The following EYS variants were observed in gnomAD, a reference collection of about 807,000 sequenced individuals.
EYS encodes protein eyes shut homolog.
In EYS, 250 loss-of-function variants were observed where a neutral mutation model predicts 282.1. That is an observed-to-expected ratio of 0.89 (90% CI 0.80 to 0.98). EYS has a LOEUF of 0.98. Among genes scored for constraint, EYS ranks in the 50% least tolerant of loss-of-function variants. The pLI, the probability that EYS is intolerant of heterozygous loss-of-function variation, is 0.00. For synonymous variants in EYS, 1,355 were observed against 1,282.9 expected, an observed-to-expected ratio of 1.06 and a Z score of -1.20; for missense variants, 4,016 against 3,709.0, an observed-to-expected ratio of 1.08 and a Z score of -2.15.
At chr6:65,404,620 T>C (rs1024383232) in intron 6 of EYS, among the ~76,000 whole-genome samples, 13 of 151,956 alleles carry the variant, frequency 8.6e-5, no homozygotes, top group Admixed American at 2.6e-4. Flanking sequence ...TATAAACTTT[T>C]ATCTGTATAT....
intron 14 of EYS, among the ~76,000 whole-genome samples, chr6:64,995,754 AACAGGAGTC>A (rs1771238511): frequency 7.1e-6 from 1 of 140,948 alleles, no homozygotes; most frequent in South Asian, 2.3e-4. Flanking sequence ...AATTTCTGGA[AACAGGAGTC>A]AAGATTTTAA....
rs147086294 is a variant in EYS at position 64,429,005 on chromosome 6, C to G, written c.5927+7169G>C. ...ATTCTCAAAACTCTTGAGGTCCAGA[C>G]GACTTATAGACTGACATCAGCTACA... On this transcript the variant is annotated intron_variant, in intron 28 of 42. Coordinates refer to ENST00000503581, the MANE Select transcript of EYS (RefSeq NM_001142800.2). 2.4e-3 allele frequency among the ~76,000 whole-genome samples: 363 copies of G among 152,048 alleles called. 2 individuals are homozygous for G. The highest frequency in any genetic ancestry group is 8.4e-3 in the African/African-American group (348 of 41,488).
intron 14 of EYS, among the ~76,000 whole-genome samples, chr6:64,966,007 C>A (rs1401331890): frequency 6.6e-6 from 1 of 151,338 alleles, no homozygotes; most frequent in Non-Finnish European, 1.5e-5. Context: ...GAAGTCTATT[C>A]AAAATGCTTG....
chr6:65,204,002 C>A (rs571138332), intron 12 of EYS, among the ~76,000 whole-genome samples: 1 of 151,594 alleles, frequency 6.6e-6, no homozygotes, highest in South Asian at 2.1e-4. Flanking sequence ...TCAATATGGT[C>A]AGAAAAAAAC....
At chr6:65,358,246 A>G (rs535311494) in intron 8 of EYS, among the ~76,000 whole-genome samples, 13 of 152,118 alleles carry the variant, frequency 8.5e-5, no homozygotes, top group African/African-American at 2.9e-4. Flanking sequence ...GGTGACAAAT[A>G]TTTAACAGAA....
intron 22 of EYS, among the ~76,000 whole-genome samples, chr6:64,686,825 A>ATATATATATACGTG (rs1770142029): frequency 5.7e-5 from 1 of 17,676 alleles, no homozygotes; most frequent in Non-Finnish European, 2.6e-4. Context: ...ATATATGTGT[A>ATATATATATACGTG]TATATATATA....
At chr6:65,251,897 TTC>T (rs1767334893) in intron 12 of EYS, among the ~76,000 whole-genome samples, 1 of 151,934 alleles carries the variant, frequency 6.6e-6, no homozygotes, top group African/African-American at 2.4e-5. Context: ...GTTTTTGTTT[TTC>T]TCTCTTTTTC....
chr6:65,556,152 A>G (rs574095843), intron 2 of EYS, among the ~76,000 whole-genome samples: 106 of 152,208 alleles, frequency 7.0e-4, no homozygotes, highest in Non-Finnish European at 1.4e-3. Context: ...GGTCATTTTC[A>G]CATTATTGGT....
chr6:64,378,486 T>C (rs1230056991), intron 29 of EYS, among the ~76,000 whole-genome samples: 1 of 152,170 alleles, frequency 6.6e-6, no homozygotes, highest in Non-Finnish European at 1.5e-5. Context: ...GAATGGAGTA[T>C]ATAGGACTAG....
Position 65,700,218 on chromosome 6 carries a change from C to T in EYS, c.-448+6917G>A, listed in dbSNP as rs1474210663. 4.0e-5 allele frequency among the ~76,000 whole-genome samples: 6 copies of T among 151,150 alleles called. No individual in the cohort carries two copies. In the East Asian group the frequency reaches 9.8e-4, roughly 25 times the overall value. On this transcript the variant is annotated intron_variant, in intron 1 of 42. Coordinates refer to ENST00000503581, the MANE Select transcript of EYS (RefSeq NM_001142800.2). ...GACTTTTGGAGAGATCATAGCTGCT[C>T]ACAAGACTGGACCCTGGGAGACCAA...
At chr6:64,699,284 G>A (rs1242918712) in intron 22 of EYS, among the ~76,000 whole-genome samples, 1 of 152,040 alleles carries the variant, frequency 6.6e-6, no homozygotes, top group Non-Finnish European at 1.5e-5. Flanking sequence ...GATAACTTAT[G>A]AACACAAAGA....
At chr6:64,831,534 G>C (rs1765217340) in intron 19 of EYS, among the ~76,000 whole-genome samples, 1 of 151,930 alleles carries the variant, frequency 6.6e-6, no homozygotes, top group South Asian at 2.1e-4. Flanking sequence ...GTCCTTAGAG[G>C]TTTGGAAAAG....
At chr6:64,219,396 A>G (rs1582443517) in intron 31 of EYS, among the ~76,000 whole-genome samples, 1 of 152,364 alleles carries the variant, frequency 6.6e-6, no homozygotes, top group Middle Eastern at 3.4e-3. Flanking sequence ...GTGTTAGAAG[A>G]AATGAAATTA....
chr6:65,681,381 A>G (rs1768809477), intron 1 of EYS, among the ~76,000 whole-genome samples: 1 of 152,038 alleles, frequency 6.6e-6, no homozygotes, highest in African/African-American at 2.4e-5. Flanking sequence ...GGGGTCAAAG[A>G]CCAAATGTAT....
At chr6:65,511,921 A>G (rs150255010) in intron 2 of EYS, among the ~76,000 whole-genome samples, 4,305 of 144,218 alleles carry the variant, frequency 0.03, 218 homozygotes, top group African/African-American at 0.1. Flanking sequence ...GCAGGCGGAG[A>G]TTGCAGTGAG....
chr6:64,641,650 G>C (rs1211595734), intron 22 of EYS, among the ~76,000 whole-genome samples: 6 of 152,066 alleles, frequency 3.9e-5, no homozygotes, highest in East Asian at 1.9e-4. Context: ...AAACTTTACT[G>C]TGTAAGGCAG....
At chr6:65,172,269 A>T (rs976875026) in intron 12 of EYS, among the ~76,000 whole-genome samples, 2 of 151,518 alleles carry the variant, frequency 1.3e-5, no homozygotes, top group African/African-American at 4.8e-5. Flanking sequence ...GTCTAGCCTT[A>T]GCCTTTTAAG....
intron 12 of EYS, among the ~76,000 whole-genome samples, chr6:65,100,850 T>G (rs1774876068): frequency 6.6e-6 from 1 of 150,874 alleles, no homozygotes; most frequent in Admixed American, 6.6e-5. Context: ...GAGGAAGTAT[T>G]AATTGGTCTT....
intron 12 of EYS, among the ~76,000 whole-genome samples, chr6:65,117,740 A>G (rs1186702927): frequency 6.6e-6 from 1 of 152,224 alleles, no homozygotes; most frequent in African/African-American, 2.4e-5. Context: ...ACAACAAAAA[A>G]GAATGGGCAA....
Sources: allele counts gnomAD v4.1 joint callset (sites outside exome capture counted in the v4.1 genomes callset), GRCh38; gene constraint gnomAD v4.1.1; transcripts MANE v1.5; gene names NCBI Gene and HGNC (gene_info 2026-07-23, HGNC 2026-07-21).